The following MAP3K14 variants were observed in gnomAD, a reference collection of about 807,000 sequenced individuals.
The protein encoded by MAP3K14 is mitogen-activated protein kinase kinase kinase 14.
A neutral mutation model predicts 99.2 loss-of-function variants in MAP3K14; 16 were observed. The ratio of observed to expected loss-of-function variants is 0.16; its 90% confidence interval spans 0.11 to 0.24. The LOEUF (loss-of-function observed/expected upper bound fraction) is 0.24, where lower values mean the gene tolerates loss of function less well. Ranked by LOEUF, MAP3K14 falls within the 10% of genes least tolerant of loss-of-function variation. MAP3K14 has a pLI of 1.00. For missense variants in MAP3K14, 784 were observed against 1,208.7 expected, an observed-to-expected ratio of 0.65 and a Z score of 5.21; for synonymous variants, 462 against 492.4, an observed-to-expected ratio of 0.94 and a Z score of 0.82.
intron 1 of MAP3K14, among the ~76,000 whole-genome samples, chr17:45,304,693 C>T (rs1298487679): frequency 6.6e-6 from 1 of 152,160 alleles, no homozygotes; most frequent in Non-Finnish European, 1.5e-5. Flanking sequence ...AATCAAAGTG[C>T]TCTTAGGATC....
At chr17:45,280,268 T>C (rs2044211671) in intron 6 of MAP3K14, among the ~76,000 whole-genome samples, 1 of 152,016 alleles carries the variant, frequency 6.6e-6, no homozygotes, top group Non-Finnish European at 1.5e-5. Flanking sequence ...TTTAAAAATG[T>C]GTGATTGCCC....
intron 1 of MAP3K14, among the ~76,000 whole-genome samples, chr17:45,294,166 ACT>A (rs1370933302): frequency 6.6e-6 from 1 of 151,956 alleles, no homozygotes; most frequent in Non-Finnish European, 1.5e-5. Context: ...TGGGCCCTCT[ACT>A]CTCTGCATAA....
chr17:45,274,576 A>C lies in MAP3K14; in HGVS notation c.1308T>G (p.Phe436Leu). The C allele has an allele frequency of 6.2e-7, 1 of 1,613,756 alleles. No homozygotes were observed. The highest frequency in any genetic ancestry group is 1.3e-5 in the African/African-American group (1 of 75,054). The change falls in exon 7 of 16, where the codon TTT (phenylalanine) becomes TTG (leucine). Residue 436 changes from phenylalanine (F) to leucine (L), a missense_variant. Phe to Leu is a conservative substitution (Grantham distance 22, BLOSUM62 0). Around this residue, in one of 5 missense-constraint regions of MAP3K14, gnomAD observed 200 missense variants for 367.9 expected, o/e 0.54. Transcript: ENST00000344686. The part of the protein sequence containing the change: ...CAVKKVRLEV[F>L]RAEELMACAG... The stretch of plus-strand genomic sequence containing the variant: ...CACATGCCATCAGCTCCTCTGCCCG[A>C]AATACTTCCAGCCGCACCTGCAAGG...
intron 8 of MAP3K14, chr17:45,273,847 G>C: frequency 1.5e-6 from 1 of 647,468 alleles, no homozygotes; most frequent in Non-Finnish European, 2.8e-6. Context: ...CGGGAACGCT[G>C]CCACTCTGCT....
intron 2 of MAP3K14, 38 bp downstream of exon 2, chr17:45,290,452 C>A: frequency 6.2e-7 from 1 of 1,607,858 alleles, no homozygotes; most frequent in South Asian, 1.1e-5. Context: ...GCAGGCCCAC[C>A]CACCTGCCCC....
Position 45,273,553 on chromosome 17 carries a change from C to T in MAP3K14, c.1607G>A (p.Gly536Asp). Reference sequence around the variant, plus strand: ...ATCAGGTTGAAGACACACAGCATGGCCAAAGTCACAGAGGGCTGCGTGGCT... The same window carrying T: ...ATCAGGTTGAAGACACACAGCATGGTCAAAGTCACAGAGGGCTGCGTGGCT... ...DGSHAALCDF[G>D]HAVCLQPDGL... The change falls in exon 9 of 16, where the codon GGC becomes GAC. Residue 536 changes from glycine (G) to aspartate (D), a missense_variant. Gly to Asp is a moderately conservative substitution (Grantham distance 94). This residue lies in a region of MAP3K14 where 200 missense variants were observed against 367.9 expected (regional missense o/e 0.54). Transcript: ENST00000344686. 6.2e-7 allele frequency: 1 copy of T among 1,613,550 alleles called. No individual in the cohort carries two copies.
intron 8 of MAP3K14, 30 bp downstream of exon 8, chr17:45,274,093 G>A (rs1233006742): frequency 6.2e-7 from 1 of 1,601,624 alleles, no homozygotes; most frequent in Admixed American, 1.7e-5. Context: ...GAGCCTGCTG[G>A]GGATCAGGGC....
Position 45,290,699 on chromosome 17 carries a change from A to C in MAP3K14, c.47T>G (p.Val16Gly). The C allele has an allele frequency of 6.2e-7, 1 of 1,612,926 alleles. No individual in the cohort carries two copies. Residue 16 changes from valine to glycine, a missense_variant, in exon 2 of 16, where the codon GTG becomes GGG. By Grantham distance (109) the Val-to-Gly change is moderately radical (BLOSUM62 -3). Coordinates refer to ENST00000344686, the MANE Select transcript of MAP3K14 (RefSeq NM_003954.5). ...TTTGGGGAGTTCCTTCTGCTGCCCC[A>C]CTGCTGAGCCAGGGGCACCTGGGCA... ...MACPGAPGSA[V>G]GQQKELPKAK...
intron 6 of MAP3K14, chr17:45,282,081 T>C (rs1053075681): frequency 2.0e-5 from 3 of 152,196 alleles, no homozygotes; most frequent in Admixed American, 6.5e-5. Context: ...TTTTAGACTT[T>C]TGAAATTTCT....
At chr17:45,269,017 C>G (rs1486188917) in intron 11 of MAP3K14, among the ~76,000 whole-genome samples, 3 of 151,968 alleles carry the variant, frequency 2.0e-5, no homozygotes, top group African/African-American at 7.3e-5. Flanking sequence ...TGTTACCTGG[C>G]TTTATTTATT....
intron 1 of MAP3K14, 30 bp downstream of exon 1, chr17:45,316,930 C>G (rs927153051): frequency 1.3e-5 from 2 of 152,082 alleles, no homozygotes; most frequent in Admixed American, 1.3e-4. Flanking sequence ...CGCCTCGCAC[C>G]GGGCCCCAGG....
intron 6 of MAP3K14, among the ~76,000 whole-genome samples, chr17:45,275,191 G>A (rs1410070899): frequency 2.0e-5 from 3 of 148,038 alleles, no homozygotes; most frequent in Non-Finnish European, 3.0e-5. Flanking sequence ...AGCCGGGCGC[G>A]GTGGCTCATG....
chr17:45,315,324 CT>C (rs2044521536), intron 1 of MAP3K14, among the ~76,000 whole-genome samples: 1 of 152,140 alleles, frequency 6.6e-6, no homozygotes, highest in Non-Finnish European at 1.5e-5. Flanking sequence ...TCAGAAAACA[CT>C]CAGAAGATGG....
At chr17:45,291,227 T>A (rs371931803) in intron 1 of MAP3K14, among the ~76,000 whole-genome samples, 194 of 152,246 alleles carry the variant, frequency 1.3e-3, no homozygotes, top group African/African-American at 3.9e-3. Flanking sequence ...GCACACACCA[T>A]CCACAGCGAC....
At chr17:45,302,101 C>G (rs2867317) in intron 1 of MAP3K14, among the ~76,000 whole-genome samples, 150,616 of 151,728 alleles carry the variant, frequency 0.99, 74,758 homozygotes, top group East Asian at 1. Context: ...AGAGTGCTGG[C>G]ATTACAGGCA....
chr17:45,273,601 T>C lies in MAP3K14; in HGVS notation c.1559A>G (p.Asn520Ser). The C allele has an allele frequency of 6.2e-7, 1 of 1,612,104 alleles. No individual in the cohort carries two copies. Among genetic ancestry groups the C allele is most frequent in the Non-Finnish European group, 8.5e-7 (1 of 1,179,142 alleles). Residue 520 changes from asparagine (N) to serine (S), a missense_variant, in exon 9 of 16, where the codon AAC becomes AGC. By Grantham distance (46) the Asn-to-Ser change is conservative. Around this residue, in one of 5 missense-constraint regions of MAP3K14, gnomAD observed 200 missense variants for 367.9 expected, o/e 0.54. Coordinates refer to ENST00000344686, the MANE Select transcript of MAP3K14 (RefSeq NM_003954.5). ...RILHGDVKADNVLLSSDGSHA... is the reference protein window; with the variant it reads ...RILHGDVKADSVLLSSDGSHA... ...GCTCCCATCGCTGGACAGGAGCACG[T>C]TGTCAGCTGCCAGGCCGCCCCGGGG...
intron 1 of MAP3K14, among the ~76,000 whole-genome samples, chr17:45,311,594 T>C (rs1325886629): frequency 2.6e-5 from 4 of 152,176 alleles, no homozygotes; most frequent in Admixed American, 6.5e-5. Flanking sequence ...TACCCCCTGC[T>C]GCTTCTTTCT....
At chr17:45,302,850 G>A (rs1311879782) in intron 1 of MAP3K14, among the ~76,000 whole-genome samples, 1 of 3,300 alleles carries the variant, frequency 3.0e-4, no homozygotes, top group Non-Finnish European at 4.5e-4. Flanking sequence ...CAGCTGGGCC[G>A]CAAAACAGAA....
At chr17:45,289,339 G>T in intron 2 of MAP3K14, 34 bp from the exon 3 acceptor site, 3 of 1,562,014 alleles carry the variant, frequency 1.9e-6, no homozygotes, top group Non-Finnish European at 2.6e-6. Flanking sequence ...GCAGAGAGGA[G>T]AAAAAATAGG....
Sources: allele counts gnomAD v4.1 joint callset (sites outside exome capture counted in the v4.1 genomes callset), GRCh38; gene constraint gnomAD v4.1.1; regional missense constraint gnomAD v4.1.1; transcripts MANE v1.5; gene names NCBI Gene and HGNC (gene_info 2026-07-23, HGNC 2026-07-21).